SND1: variants seen among roughly 807,000 people sequenced by gnomAD.
SND1 encodes staphylococcal nuclease domain-containing protein 1.
SND1 carries 38 observed loss-of-function variants against 121.7 expected under a neutral mutation model. The observed-to-expected ratio is 0.31, with a 90% CI of 0.24 to 0.41. The LOEUF is 0.41. Ranked by LOEUF, SND1 falls within the 10% of genes least tolerant of loss-of-function variation. SND1 has a pLI of 1.00. For missense variants in SND1, 868 were observed against 1,184.6 expected, an observed-to-expected ratio of 0.73 and a Z score of 3.92; for synonymous variants, 401 against 447.4, an observed-to-expected ratio of 0.90 and a Z score of 1.31.
intron 1 of SND1, 114 bp from the exon 2 acceptor site, chr7:127,686,499 A>G (rs750028477): frequency 6.3e-6 from 7 of 1,108,170 alleles, no homozygotes; most frequent in Admixed American, 2.5e-5. Flanking sequence ...ATGACTTTGC[A>G]TGCCTTTGAA....
rs902358104 is a variant in SND1, at chr7:127,882,658, C to G, written c.1344-5244C>G. Reference sequence around the variant, plus strand: ...GAGAGAAAGTGGAATTAGCCTAGATCCATGTACTTGACTGTCTCATTCATT... The same window carrying G: ...GAGAGAAAGTGGAATTAGCCTAGATGCATGTACTTGACTGTCTCATTCATT... On this transcript the variant is annotated intron_variant, in intron 12 of 23. Coordinates refer to ENST00000354725, the MANE Select transcript of SND1 (RefSeq NM_014390.4). 8.4e-5 allele frequency among the ~76,000 whole-genome samples: 12 copies of G among 142,460 alleles called. No homozygotes were observed. In the East Asian group the frequency reaches 9.7e-4, roughly 11 times the overall value. 93.5% of individuals were successfully genotyped at this position (142,460 alleles called of 152,430 possible). A position where few individuals can be genotyped will look rare whatever the true frequency, so the allele number is the denominator to read the frequency against.
intron 4 of SND1, 53 bp from the exon 5 acceptor site, chr7:127,701,110 G>T: frequency 6.3e-7 from 1 of 1,590,592 alleles, no homozygotes; most frequent in East Asian, 2.2e-5. Flanking sequence ...AGAGAGCCTC[G>T]TATTTCTGTT....
In SND1 at chr7:127,858,073, TG is replaced by T. The variant is rs1411392482; in HGVS notation, c.1343+13652del. 3.7e-6 allele frequency: 4 copies of T among 1,083,004 alleles called. No homozygotes were observed. In the Admixed American group the frequency reaches 6.8e-5, roughly 18 times the overall value. 67.1% of individuals were successfully genotyped at this position (1,083,004 alleles called of 1,614,324 possible). On this transcript the variant is annotated intron_variant, in intron 12 of 23. Coordinates refer to ENST00000354725, the MANE Select transcript of SND1 (RefSeq NM_014390.4). ...TCCTGGCAACTCTGCTTCTCCTCTC[TG>T]GGTAGGGGTTGGGGTCTCCAGTTCC...
intron 1 of SND1, among the ~76,000 whole-genome samples, chr7:127,685,431 G>A (rs937141782): frequency 2.0e-5 from 3 of 152,180 alleles, no homozygotes; most frequent in Non-Finnish European, 4.4e-5. Context: ...ATGAAGCGTG[G>A]AATTGAGAGT....
rs574635744 is a variant in SND1, at chr7:127,725,378, T to C, written c.1152+3978T>C. 1.2e-3 allele frequency among the ~76,000 whole-genome samples: 182 copies of C among 152,314 alleles called. 1 individual carries two copies. Among genetic ancestry groups the C allele is most frequent in the African/African-American group, 4.1e-3 (169 of 41,564 alleles). Reference sequence around the variant, plus strand: ...CAGCATCATGCCAGGGGCCATGGCTTGGCAAGCAGAATGGAAGCTAAATTT... The same window carrying C: ...CAGCATCATGCCAGGGGCCATGGCTCGGCAAGCAGAATGGAAGCTAAATTT... On this transcript the variant is annotated intron_variant, in intron 10 of 23. Coordinates refer to ENST00000354725, the MANE Select transcript of SND1 (RefSeq NM_014390.4).
chr7:127,853,798 A>G (rs980024347), intron 12 of SND1, among the ~76,000 whole-genome samples: 4 of 152,192 alleles, frequency 2.6e-5, no homozygotes, highest in Non-Finnish European at 4.4e-5. Context: ...TTATGCCTGT[A>G]CTTTTGCCAG....
chr7:127,987,912 A>C (rs932478932), intron 15 of SND1, among the ~76,000 whole-genome samples: 2 of 144,500 alleles, frequency 1.4e-5, no homozygotes, highest in African/African-American at 5.7e-5. Flanking sequence ...TAACCCCCCA[A>C]ATAAATAAAT....
intron 16 of SND1, among the ~76,000 whole-genome samples, chr7:128,025,506 A>G (rs948689886): frequency 6.6e-6 from 1 of 152,158 alleles, no homozygotes; most frequent in Non-Finnish European, 1.5e-5. Context: ...TTTACATCCA[A>G]CGTGTTGCTA....
chr7:128,005,735 G>A (rs1403773541), intron 16 of SND1, among the ~76,000 whole-genome samples: 1 of 152,180 alleles, frequency 6.6e-6, no homozygotes, highest in Non-Finnish European at 1.5e-5. Flanking sequence ...GGAGACTGCA[G>A]GTACTGAACA....
At chr7:127,702,576 C>T in intron 6 of SND1, 50 bp downstream of exon 6, 4 of 1,428,446 alleles carry the variant, frequency 2.8e-6, no homozygotes, top group Non-Finnish European at 4.0e-6. Context: ...TGTGGATGTT[C>T]AGTGATGGAT....
intron 1 of SND1, among the ~76,000 whole-genome samples, chr7:127,670,092 G>A (rs995058490): frequency 6.6e-6 from 1 of 151,868 alleles, no homozygotes; most frequent in Non-Finnish European, 1.5e-5. Context: ...CTGGGTTCAA[G>A]TGATTCTTGT....
intron 16 of SND1, chr7:128,030,788 G>C (rs1000171627): frequency 3.8e-6 from 4 of 1,047,704 alleles, no homozygotes; most frequent in Non-Finnish European, 4.0e-6. Context: ...GGAGCGGATC[G>C]GCCGAAAAAA....
At chr7:128,082,724 A>T (rs1294150147) in intron 18 of SND1, among the ~76,000 whole-genome samples, 1 of 152,044 alleles carries the variant, frequency 6.6e-6, no homozygotes, top group Admixed American at 6.5e-5. Context: ...CAGTGGGAAC[A>T]AGAGCCGTTC....
chr7:128,079,696 G>T (rs1461466972), intron 17 of SND1, among the ~76,000 whole-genome samples: 2 of 152,250 alleles, frequency 1.3e-5, no homozygotes, highest in Non-Finnish European at 2.9e-5. Context: ...GACCCAAGGT[G>T]GTTCCAGAAT....
intron 10 of SND1, among the ~76,000 whole-genome samples, chr7:127,791,141 C>CT (rs66878881): frequency 0.052 from 5,821 of 110,888 alleles, 386 homozygotes; most frequent in African/African-American, 0.13. Flanking sequence ...TTTACCTCTC[C>CT]TTTTTTTTTT....
chr7:128,010,861 C>T (rs375186144), intron 16 of SND1, among the ~76,000 whole-genome samples: 3 of 152,218 alleles, frequency 2.0e-5, no homozygotes, highest in East Asian at 3.8e-4. Flanking sequence ...CCCCAGCCCC[C>T]CAGAGCCCCT....
intron 10 of SND1, among the ~76,000 whole-genome samples, chr7:127,766,157 C>T (rs977191589): frequency 2.6e-5 from 4 of 152,178 alleles, no homozygotes; most frequent in African/African-American, 9.7e-5. Context: ...CACTCCTCCC[C>T]TTTGGAAGAT....
At chr7:128,025,002 G>C (rs900061344) in intron 16 of SND1, among the ~76,000 whole-genome samples, 2 of 152,196 alleles carry the variant, frequency 1.3e-5, no homozygotes, top group African/African-American at 4.8e-5. Flanking sequence ...AAAACACCAA[G>C]TCTTACCTAC....
chr7:127,708,106 A>G (rs1298812025), intron 9 of SND1, among the ~76,000 whole-genome samples: 3 of 152,132 alleles, frequency 2.0e-5, no homozygotes, highest in Admixed American at 2.0e-4. Flanking sequence ...AGTATTCAGT[A>G]AATTAATTAA....
Sources: allele counts gnomAD v4.1 joint callset (sites outside exome capture counted in the v4.1 genomes callset), GRCh38; gene constraint gnomAD v4.1.1; transcripts MANE v1.5; gene names NCBI Gene and HGNC (gene_info 2026-07-23, HGNC 2026-07-21).